The following SEMA6D variants were observed in gnomAD, a reference collection of about 807,000 sequenced individuals.
The protein encoded by SEMA6D is semaphorin-6D.
A neutral mutation model predicts 106.6 loss-of-function variants in SEMA6D; 35 were observed. That is an observed-to-expected ratio of 0.33 (90% CI 0.25 to 0.44). The LOEUF is 0.44. Among genes scored for constraint, SEMA6D ranks in the 20% least tolerant of loss-of-function variants. The probability of loss-of-function intolerance (pLI) is 1.00; values close to 1 mark genes in which losing one functional copy is unlikely to be tolerated. For missense variants in SEMA6D, 1,185 were observed against 1,345.9 expected, an observed-to-expected ratio of 0.88 and a Z score of 1.87; for synonymous variants, 499 against 487.7, an observed-to-expected ratio of 1.02 and a Z score of -0.31.
chr15:47,593,787 G>T (rs1372484246), intron 3 of SEMA6D, among the ~76,000 whole-genome samples: 1 of 152,178 alleles, frequency 6.6e-6, no homozygotes, highest in African/African-American at 2.4e-5. Flanking sequence ...GGCGGAAGGG[G>T]GAGTAGGTGC....
At chr15:47,511,825 TTTGGC>T (rs1224458450) in intron 3 of SEMA6D, among the ~76,000 whole-genome samples, 1 of 152,104 alleles carries the variant, frequency 6.6e-6, no homozygotes. Context: ...AAGAAGGGCT[TTTGGC>T]ACCCCTCAGG....
intron 1 of SEMA6D, among the ~76,000 whole-genome samples, chr15:47,735,342 A>G (rs1250110192): frequency 6.6e-6 from 1 of 152,166 alleles, no homozygotes; most frequent in Non-Finnish European, 1.5e-5. Context: ...AGACTCTCCA[A>G]GATGCAAGAA....
chr15:47,313,387 A>G (rs918503452), intron 1 of SEMA6D, among the ~76,000 whole-genome samples: 1 of 152,096 alleles, frequency 6.6e-6, no homozygotes, highest in African/African-American at 2.4e-5. Flanking sequence ...ACCTTTTCAC[A>G]TTGGCTTCTT....
chr15:47,201,811 C>A (rs1305295887), intron 1 of SEMA6D, among the ~76,000 whole-genome samples: 1 of 152,082 alleles, frequency 6.6e-6, no homozygotes, highest in Non-Finnish European at 1.5e-5. Flanking sequence ...GGTCAGACCA[C>A]CAGTTGGTCT....
At chr15:47,552,563 G>T (rs1462817523) in intron 3 of SEMA6D, among the ~76,000 whole-genome samples, 1 of 140,448 alleles carries the variant, frequency 7.1e-6, no homozygotes, top group African/African-American at 2.6e-5. Context: ...CACACATATG[G>T]CAAGGCACCA....
intron 1 of SEMA6D, chr15:47,274,788 C>A (rs1017810419): frequency 6.6e-6 from 1 of 152,232 alleles, no homozygotes; most frequent in Non-Finnish European, 1.5e-5. Flanking sequence ...TCTCCAGGGA[C>A]TGTTCATCTC....
chr15:47,473,694 C>T (rs112499008), intron 3 of SEMA6D, among the ~76,000 whole-genome samples: 2,366 of 152,216 alleles, frequency 0.016, 45 homozygotes, highest in African/African-American at 0.036. Context: ...GAACGGATTT[C>T]AGAGACACGT....
intron 4 of SEMA6D, among the ~76,000 whole-genome samples, chr15:47,630,677 C>G (rs1038470167): frequency 6.6e-6 from 1 of 151,596 alleles, no homozygotes; most frequent in African/African-American, 2.4e-5. Context: ...TGTTCTGACC[C>G]CTGGAAGAAT....
At chr15:47,227,934 A>T (rs1025588612) in intron 1 of SEMA6D, among the ~76,000 whole-genome samples, 5 of 142,976 alleles carry the variant, frequency 3.5e-5, no homozygotes, top group Admixed American at 7.1e-5. Context: ...ATATATAAGA[A>T]TCTTATATAT....
chr15:47,547,438 T>C (rs1274473789), intron 3 of SEMA6D, among the ~76,000 whole-genome samples: 3 of 152,206 alleles, frequency 2.0e-5, no homozygotes, highest in Admixed American at 2.0e-4. Flanking sequence ...TCAACTTTAC[T>C]AGTAATTTTT....
intron 3 of SEMA6D, among the ~76,000 whole-genome samples, chr15:47,502,127 G>T (rs2043869414): frequency 6.6e-6 from 1 of 152,110 alleles, no homozygotes; most frequent in South Asian, 2.1e-4. Flanking sequence ...ATGAAATTAT[G>T]AGCCTAGCAA....
At chr15:47,437,936 G>A (rs560089492) in intron 2 of SEMA6D, among the ~76,000 whole-genome samples, 3 of 152,164 alleles carry the variant, frequency 2.0e-5, no homozygotes, top group African/African-American at 7.2e-5. Flanking sequence ...GGCAAAATCT[G>A]GGATGAATTG....
chr15:47,757,159 C>T (rs1037518475), intron 1 of SEMA6D, among the ~76,000 whole-genome samples: 3 of 152,152 alleles, frequency 2.0e-5, no homozygotes, highest in Non-Finnish European at 2.9e-5. Flanking sequence ...GAGGGCTCCT[C>T]CCCGCCCTGC....
intron 4 of SEMA6D, among the ~76,000 whole-genome samples, chr15:47,657,802 C>CG (rs2077830852): frequency 1.7e-5 from 2 of 118,766 alleles, no homozygotes; most frequent in African/African-American, 3.3e-5. Flanking sequence ...AGTGCAGTGG[C>CG]AGATCTCGGC....
In SEMA6D at chr15:47,305,854, G is replaced by A. The variant is rs145623390; in HGVS notation, c.-238-106539G>A. On this transcript the variant is annotated intron_variant, in intron 1 of 19. Transcript: ENST00000558014. The stretch of plus-strand genomic sequence containing the variant: ...CCCACAAAGTAGATCTTCTCATATT[G>A]GCCAGAGCCTCCTTTGATCCAGGCC... Among the ~76,000 whole-genome samples, 50 of 152,262 alleles carry A rather than the reference G, an allele frequency of 3.3e-4. No individual in the cohort carries two copies. In the East Asian group the frequency reaches 8.3e-3, roughly 25 times the overall value.
At chr15:47,555,980 C>T (rs954532606) in intron 3 of SEMA6D, among the ~76,000 whole-genome samples, 7 of 152,104 alleles carry the variant, frequency 4.6e-5, no homozygotes, top group African/African-American at 1.4e-4. Flanking sequence ...TGACCCTCAT[C>T]AGTGTTTCTC....
intron 3 of SEMA6D, among the ~76,000 whole-genome samples, chr15:47,552,494 GTATA>G (rs1276618248): frequency 7.6e-6 from 1 of 131,076 alleles, no homozygotes; most frequent in Non-Finnish European, 1.6e-5. Flanking sequence ...GTCTGTGTGT[GTATA>G]TATATGTGTG....
At chr15:47,595,180 A>G (rs1295567896) in intron 3 of SEMA6D, among the ~76,000 whole-genome samples, 1 of 152,182 alleles carries the variant, frequency 6.6e-6, no homozygotes, top group Non-Finnish European at 1.5e-5. Flanking sequence ...TCAACTTTTC[A>G]CCATTGAGGT....
chr15:47,310,603 A>G (rs2036411470), intron 1 of SEMA6D, among the ~76,000 whole-genome samples: 1 of 152,162 alleles, frequency 6.6e-6, no homozygotes, highest in African/African-American at 2.4e-5. Context: ...CTTAAACTTA[A>G]GTACCTTTTA....
Sources: allele counts gnomAD v4.1 joint callset (sites outside exome capture counted in the v4.1 genomes callset), GRCh38; gene constraint gnomAD v4.1.1; transcripts MANE v1.5; gene names NCBI Gene and HGNC (gene_info 2026-07-23, HGNC 2026-07-21).